SYN3: variants seen among roughly 807,000 people sequenced by gnomAD.
SYN3 encodes synapsin-3.
A neutral mutation model predicts 65.8 loss-of-function variants in SYN3; 35 were observed. That is an observed-to-expected ratio of 0.53 (90% confidence interval 0.41 to 0.70). SYN3 has a LOEUF of 0.70. Among genes scored for constraint, SYN3 ranks in the 30% least tolerant of loss-of-function variants. SYN3 has a pLI of 0.00. For synonymous variants in SYN3, 270 were observed against 292.9 expected, an observed-to-expected ratio of 0.92 and a Z score of 0.80; for missense variants, 680 against 749.0, an observed-to-expected ratio of 0.91 and a Z score of 1.08.
chr22:33,035,330 A>ACCAC (rs2053834423), intron 1 of SYN3, among the ~76,000 whole-genome samples: 2 of 31,434 alleles, frequency 6.4e-5, no homozygotes, highest in Non-Finnish European at 1.4e-4. Context: ...AAATCTCGGG[A>ACCAC]CCCCCCCCCC....
In SYN3 at chr22:32,741,347, A is replaced by ATTTTTTT. The variant is rs71187210; in HGVS notation, c.711+123561_711+123567dup. Among the ~76,000 whole-genome samples, 338 of 98,688 alleles carry ATTTTTTT rather than the reference A, an allele frequency of 3.4e-3. 5 individuals carry two copies. The highest frequency in any genetic ancestry group is 5.2e-3 in the Non-Finnish European group (262 of 49,976). The allele number at this position is 98,688 out of a possible 152,430, so 64.7% of individuals were successfully genotyped here. On this transcript the variant is annotated intron_variant, in intron 6 of 13. Transcript: ENST00000358763. ...CCAAGCATTCTGGCTCTAGAGCCCA[A>ATTTTTTT]TTTTTTTTTTTTTTTTTTTTTTTTT...
intron 4 of SYN3, among the ~76,000 whole-genome samples, chr22:32,899,786 C>CAGATGGTATACTTCT (rs1321578867): frequency 1.1e-4 from 3 of 27,680 alleles, no homozygotes; most frequent in African/African-American, 2.0e-4. Flanking sequence ...ACAAGGAAGT[C>CAGATGGTATACTTCT]GGCCGGGCGC....
intron 4 of SYN3, among the ~76,000 whole-genome samples, chr22:32,913,966 G>T (rs955645282): frequency 6.6e-6 from 1 of 152,232 alleles, no homozygotes; most frequent in Non-Finnish European, 1.5e-5. Flanking sequence ...TCGTAGCTAA[G>T]ATTTATTGGG....
chr22:32,869,648 G>T (rs534054577), intron 4 of SYN3, among the ~76,000 whole-genome samples: 1 of 151,072 alleles, frequency 6.6e-6, no homozygotes, highest in Admixed American at 6.6e-5. Flanking sequence ...TCATGGCTCC[G>T]GCTCTTGTTC....
chr22:33,055,576 T>G (rs1569425926), intron 1 of SYN3, among the ~76,000 whole-genome samples: 1 of 152,192 alleles, frequency 6.6e-6, no homozygotes, highest in Non-Finnish European at 1.5e-5. Flanking sequence ...TGAAGCAATG[T>G]ATGATCCCCT....
intron 7 of SYN3, among the ~76,000 whole-genome samples, chr22:32,578,444 T>A (rs531689878): frequency 1.3e-5 from 2 of 152,216 alleles, no homozygotes; most frequent in East Asian, 3.9e-4. Flanking sequence ...AAAGATGGGT[T>A]TTGCCATGTA....
At chr22:32,942,073 CT>C (rs1447062943) in intron 3 of SYN3, among the ~76,000 whole-genome samples, 6 of 152,236 alleles carry the variant, frequency 3.9e-5, no homozygotes, top group Admixed American at 3.9e-4. Context: ...TTAAATGTCC[CT>C]GTCTGACAGC....
intron 4 of SYN3, among the ~76,000 whole-genome samples, chr22:32,886,844 T>G (rs997564054): frequency 6.6e-6 from 1 of 152,232 alleles, no homozygotes; most frequent in African/African-American, 2.4e-5. Flanking sequence ...GAGATTTGTC[T>G]GCATAGTTAC....
chr22:32,711,920 G>T (rs968960349), intron 6 of SYN3, among the ~76,000 whole-genome samples: 3 of 152,218 alleles, frequency 2.0e-5, no homozygotes, highest in African/African-American at 7.2e-5. Flanking sequence ...GTTTGATCAG[G>T]TGTCTGATGC....
At chr22:32,673,675 C>T (rs1481624330) in intron 6 of SYN3, among the ~76,000 whole-genome samples, 1 of 152,088 alleles carries the variant, frequency 6.6e-6, no homozygotes, top group South Asian at 2.1e-4. Context: ...ATGAGTTGGG[C>T]TTAGTAGGAT....
intron 3 of SYN3, among the ~76,000 whole-genome samples, chr22:32,950,663 A>C (rs569838507): frequency 6.6e-6 from 1 of 152,208 alleles, no homozygotes; most frequent in South Asian, 2.1e-4. Flanking sequence ...CCACATATCT[A>C]GTTAGTAACA....
chr22:32,743,813 T>C (rs1463013102), intron 6 of SYN3, among the ~76,000 whole-genome samples: 3 of 152,056 alleles, frequency 2.0e-5, no homozygotes, highest in African/African-American at 7.2e-5. Context: ...GAGTTGGTCT[T>C]CCTGGGGTCC....
At chr22:32,636,434 T>C (rs895001095) in intron 6 of SYN3, among the ~76,000 whole-genome samples, 4 of 140,376 alleles carry the variant, frequency 2.8e-5, no homozygotes, top group Admixed American at 7.1e-5. Context: ...GAAAAGAAAA[T>C]CAAAACCATT....
chr22:33,014,079 A>G (rs1025934901), intron 1 of SYN3, among the ~76,000 whole-genome samples: 12 of 151,826 alleles, frequency 7.9e-5, no homozygotes, highest in Middle Eastern at 6.8e-3. Context: ...TAGTTAAAAA[A>G]AAAAAAAAAA....
In SYN3 at chr22:32,765,164, A is replaced by AGAGG. The variant is rs1569207040; in HGVS notation, c.711+99750_711+99751insCCTC. Among the ~76,000 whole-genome samples, 3 of 152,078 alleles carry AGAGG rather than the reference A, an allele frequency of 2.0e-5. No homozygotes were observed. In the East Asian group the frequency reaches 5.8e-4, roughly 29 times the overall value. ...GACTGTGTGCACCAGAGGGCCAGAGAGGCAGTGGTGAGGGTCACTCAGAAC... is the reference window on the plus strand; with the variant it reads ...GACTGTGTGCACCAGAGGGCCAGAGAGAGGGGCAGTGGTGAGGGTCACTCAGAAC... On this transcript the variant is annotated intron_variant, in intron 6 of 13. Transcript: ENST00000358763.
intron 6 of SYN3, chr22:32,857,347 G>C: frequency 6.2e-7 from 1 of 1,613,830 alleles, no homozygotes; most frequent in East Asian, 2.2e-5. Context: ...ACAAGTACCA[G>C]TACCTGCTGA....
At chr22:32,887,610 A>G (rs1387335141) in intron 4 of SYN3, among the ~76,000 whole-genome samples, 2 of 152,156 alleles carry the variant, frequency 1.3e-5, no homozygotes, top group East Asian at 3.8e-4. Flanking sequence ...TGGCCCCCAC[A>G]AACTGTGAGA....
At chr22:32,776,320 C>G (rs575710040) in intron 6 of SYN3, among the ~76,000 whole-genome samples, 69 of 152,240 alleles carry the variant, frequency 4.5e-4, no homozygotes, top group African/African-American at 1.6e-3. Flanking sequence ...GTGAATGGTA[C>G]TTTGTTATGG....
chr22:32,906,651 TC>T (rs1297538610), intron 4 of SYN3, among the ~76,000 whole-genome samples: 1 of 151,962 alleles, frequency 6.6e-6, no homozygotes, highest in Non-Finnish European at 1.5e-5. Context: ...ATGCTCACCC[TC>T]CCCTTGCCCC....
Sources: allele counts gnomAD v4.1 joint callset (sites outside exome capture counted in the v4.1 genomes callset), GRCh38; gene constraint gnomAD v4.1.1; transcripts MANE v1.5; gene names NCBI Gene and HGNC (gene_info 2026-07-23, HGNC 2026-07-21).